Variants in RBFOX2 observed in about 807,000 individuals in gnomAD.
RBFOX2 encodes the protein RNA binding fox-1 homolog 2.
Under a neutral mutation model 49.1 loss-of-function variants are expected in RBFOX2, and 10 were observed. The ratio of observed to expected loss-of-function variants is 0.20; its 90% CI spans 0.13 to 0.35. The LOEUF (loss-of-function observed/expected upper bound fraction) is 0.35. RBFOX2 is among the 10% of genes least tolerant of loss of function. RBFOX2 has a pLI of 1.00. For synonymous variants in RBFOX2, 183 were observed against 187.4 expected, an observed-to-expected ratio of 0.98 and a Z score of 0.19; for missense variants, 323 against 486.9, an observed-to-expected ratio of 0.66 and a Z score of 3.17.
At chr22:35,890,534 T>C (rs1314599789) in intron 1 of RBFOX2, among the ~76,000 whole-genome samples, 2 of 152,270 alleles carry the variant, frequency 1.3e-5, no homozygotes, top group East Asian at 3.9e-4. Flanking sequence ...TAACTAGAGA[T>C]ACAGAAAGTG....
In RBFOX2 at chr22:35,897,295, C is replaced by T. The variant is rs2047971937; in HGVS notation, c.-34+41552G>A. The stretch of plus-strand genomic sequence containing the variant: ...TTGACGGTCTTGGCCAGCTTCACAT[C>T]CTCAATTTCAGCAGACAGCCAGCAG... On this transcript the variant is annotated intron_variant, in intron 1 of 13. Transcript: ENST00000359369. 11 of 1,506,690 alleles carry T rather than the reference C, an allele frequency of 7.3e-6. No individual in the cohort carries two copies. In the South Asian group the frequency reaches 1.2e-4, roughly 17 times the overall value. 93.3% of individuals were successfully genotyped at this position (1,506,690 alleles called of 1,614,324 possible).
At chr22:35,794,622 C>T (rs547265184) in intron 2 of RBFOX2, among the ~76,000 whole-genome samples, 4 of 151,324 alleles carry the variant, frequency 2.6e-5, no homozygotes, top group African/African-American at 9.7e-5. Flanking sequence ...CACGCCACTG[C>T]ACTCCAGCCT....
chr22:36,011,402 C>T (rs2058816960), intron 1 of RBFOX2, among the ~76,000 whole-genome samples: 1 of 152,150 alleles, frequency 6.6e-6, no homozygotes, highest in Non-Finnish European at 1.5e-5. Flanking sequence ...AGGTCCTGTA[C>T]TAATCAGTCA....
intron 1 of RBFOX2, chr22:35,999,985 A>T (rs1036975292): frequency 2.8e-5 from 3 of 108,310 alleles, no homozygotes; most frequent in African/African-American, 9.0e-5. Context: ...TATAAAAGTT[A>T]TATATATATA....
chr22:35,986,179 C>T (rs1312370130), intron 1 of RBFOX2, among the ~76,000 whole-genome samples: 1 of 152,182 alleles, frequency 6.6e-6, no homozygotes, highest in Non-Finnish European at 1.5e-5. Flanking sequence ...TAAATAGAGG[C>T]ACAACCCATG....
chr22:35,834,601 C>A (rs557719063), intron 1 of RBFOX2, among the ~76,000 whole-genome samples: 1 of 152,044 alleles, frequency 6.6e-6, no homozygotes, highest in Non-Finnish European at 1.5e-5. Flanking sequence ...AGGGAGAGGT[C>A]GCCCTTGAGA....
At chr22:35,931,781 A>C (rs1963409131) in intron 1 of RBFOX2, among the ~76,000 whole-genome samples, 2 of 152,208 alleles carry the variant, frequency 1.3e-5, no homozygotes, top group African/African-American at 4.8e-5. Flanking sequence ...TCTCAAAAAA[A>C]TAAAGGCATG....
chr22:35,958,244 CTT>C (rs2055809720), intron 1 of RBFOX2, among the ~76,000 whole-genome samples: 1 of 152,108 alleles, frequency 6.6e-6, no homozygotes, highest in Admixed American at 6.6e-5. Context: ...AGAGGAACAA[CTT>C]AGGACAAGTT....
intron 11 of RBFOX2, among the ~76,000 whole-genome samples, chr22:35,745,196 A>T (rs1201500073): frequency 6.6e-6 from 1 of 152,126 alleles, no homozygotes; most frequent in Non-Finnish European, 1.5e-5. Flanking sequence ...GTAGTTGCCC[A>T]GTTGCATTTT....
In RBFOX2 at chr22:35,838,239, T is replaced by TA. The variant is rs201632392; in HGVS notation, c.27+1952dup. ...ATTTATCTTTTATGTAAATTTTTTT[T>TA]AAAAAATAAAGCAGTATTTCTTTTC... On this transcript the variant is annotated intron_variant, in intron 1 of 11. Transcript: ENST00000405409. Among the ~76,000 whole-genome samples, 926 of 150,756 alleles carry TA rather than the reference T, an allele frequency of 6.1e-3. 7 individuals are homozygous for TA. Among genetic ancestry groups the TA allele is most frequent in the African/African-American group, 0.022 (896 of 40,664 alleles).
chr22:35,769,573 C>A (rs1410375128), intron 4 of RBFOX2, among the ~76,000 whole-genome samples: 1 of 152,152 alleles, frequency 6.6e-6, no homozygotes, highest in African/African-American at 2.4e-5. Flanking sequence ...CTTATATCTG[C>A]AAAGTGGTAA....
In RBFOX2 at chr22:36,015,385, A is replaced by T. The variant is rs116866415; in HGVS notation, c.186+12855T>A. 7.5e-4 allele frequency among the ~76,000 whole-genome samples: 115 copies of T among 152,354 alleles called. 3 individuals are homozygous for T. The East Asian group carries it at 0.021, about 28-fold the overall frequency. On this transcript the variant is annotated intron_variant, in intron 1 of 13. Transcript: ENST00000438146. ...AAGACCAGGGTCAGACTTTCAGGAC[A>T]AGTACTACCAACTCCCTGTAAGCTT...
chr22:35,839,464 AGAG>A (rs1958331860), intron 1 of RBFOX2, among the ~76,000 whole-genome samples: 1 of 152,100 alleles, frequency 6.6e-6, no homozygotes, highest in African/African-American at 2.4e-5. Context: ...GAGAGAGAGA[AGAG>A]AAGAGAGAAA....
intron 9 of RBFOX2, chr22:35,747,375 G>C (rs1275190955): frequency 2.6e-5 from 4 of 152,160 alleles, no homozygotes; most frequent in African/African-American, 9.7e-5. Flanking sequence ...TTCCCTAAAA[G>C]GTTTTGAGAT....
At chr22:35,818,947 A>G (rs1953813728) in intron 1 of RBFOX2, among the ~76,000 whole-genome samples, 1 of 152,224 alleles carries the variant, frequency 6.6e-6, no homozygotes, top group Non-Finnish European at 1.5e-5. Flanking sequence ...GAAAATTCAC[A>G]TGATATACAT....
intron 1 of RBFOX2, among the ~76,000 whole-genome samples, chr22:35,926,709 T>C (rs555023164): frequency 6.6e-6 from 1 of 152,296 alleles, no homozygotes; most frequent in Admixed American, 6.5e-5. Flanking sequence ...TTAATACTTC[T>C]GGCATCATTC....
intron 2 of RBFOX2, among the ~76,000 whole-genome samples, chr22:35,806,789 C>A (rs1158727043): frequency 6.6e-6 from 1 of 152,084 alleles, no homozygotes; most frequent in Non-Finnish European, 1.5e-5. Flanking sequence ...AAGCAAGAAG[C>A]AGGATCTAGC....
intron 5 of RBFOX2, among the ~76,000 whole-genome samples, chr22:35,766,440 T>C (rs1055929182): frequency 6.6e-6 from 1 of 152,168 alleles, no homozygotes; most frequent in Admixed American, 6.5e-5. Context: ...TGTATGGTAA[T>C]AAATTTTTGT....
chr22:35,748,080 A>T (rs1933453461), intron 9 of RBFOX2: 1 of 152,138 alleles, frequency 6.6e-6, no homozygotes, highest in South Asian at 2.1e-4. Context: ...TTCCTTATAT[A>T]ATTTATGCTT....
Sources: gnomAD v4.1 joint callset for allele counts (sites outside exome capture counted in the v4.1 genomes callset) on GRCh38, gnomAD v4.1.1 for gene constraint, MANE v1.5 for transcripts, NCBI Gene and HGNC (gene_info 2026-07-23, HGNC 2026-07-21) for gene names.